The following CSMD3 variants were observed in gnomAD, a reference collection of about 807,000 sequenced individuals.
CSMD3 encodes CUB and Sushi multiple domains 3.
CSMD3 carries 177 observed loss-of-function variants against 435.2 expected under a neutral mutation model. That is an observed-to-expected ratio of 0.41 (90% CI 0.36 to 0.46). The LOEUF (loss-of-function observed/expected upper bound fraction) is 0.46, where lower values mean the gene tolerates loss of function less well. Among genes scored for constraint, CSMD3 ranks in the 20% least tolerant of loss-of-function variants. The pLI is 0.34. For missense variants in CSMD3, 4,265 were observed against 4,504.6 expected (o/e 0.95, Z 1.52); for synonymous variants, 1,656 against 1,520.5 (o/e 1.09, Z -2.07).
chr8:112,947,056 A>G (rs75292059), intron 9 of CSMD3, among the ~76,000 whole-genome samples: 1 of 151,650 alleles, frequency 6.6e-6, no homozygotes, highest in Non-Finnish European at 1.5e-5. Flanking sequence ...TGAAAAATAA[A>G]ATTTACCATG....
At chr8:112,447,902 G>T (rs913071150) in intron 32 of CSMD3, among the ~76,000 whole-genome samples, 22 of 152,192 alleles carry the variant, frequency 1.4e-4, no homozygotes, top group African/African-American at 5.1e-4. Flanking sequence ...GGAGTGAATT[G>T]TGTCCCCCCA....
At chr8:113,054,656 A>G (rs891908891) in intron 5 of CSMD3, among the ~76,000 whole-genome samples, 3 of 152,090 alleles carry the variant, frequency 2.0e-5, no homozygotes, top group Non-Finnish European at 4.4e-5. Context: ...AATCTCCCTC[A>G]TCTTTTAAGA....
chr8:112,248,778 A>T (rs1193675738), intron 63 of CSMD3, among the ~76,000 whole-genome samples: 1 of 152,136 alleles, frequency 6.6e-6, no homozygotes, highest in African/African-American at 2.4e-5. Flanking sequence ...GAAATACTAA[A>T]TTCCAAAATT....
At chr8:112,306,743 G>A (rs1197866713) in intron 50 of CSMD3, among the ~76,000 whole-genome samples, 4 of 152,024 alleles carry the variant, frequency 2.6e-5, no homozygotes, top group Non-Finnish European at 4.4e-5. Flanking sequence ...TGTGTATATT[G>A]GATATGTTTA....
At chr8:113,069,105 C>T (rs1192747409) in intron 5 of CSMD3, among the ~76,000 whole-genome samples, 1 of 151,992 alleles carries the variant, frequency 6.6e-6, no homozygotes, top group African/African-American at 2.4e-5. Flanking sequence ...TTCTTACCTC[C>T]CTGCCAAAAA....
intron 32 of CSMD3, among the ~76,000 whole-genome samples, chr8:112,411,477 A>T (rs1811344660): frequency 6.6e-6 from 1 of 151,984 alleles, no homozygotes; most frequent in African/African-American, 2.4e-5. Flanking sequence ...ATTTTAAATT[A>T]AAAGTAGCTT....
chr8:112,733,541 C>A (rs911098640), intron 13 of CSMD3, among the ~76,000 whole-genome samples: 2 of 151,636 alleles, frequency 1.3e-5, no homozygotes, highest in African/African-American at 4.8e-5. Flanking sequence ...GGTTAAGCAA[C>A]TTTGATAAGA....
intron 3 of CSMD3, among the ~76,000 whole-genome samples, chr8:113,207,133 C>T (rs1010434078): frequency 6.6e-6 from 1 of 152,102 alleles, no homozygotes; most frequent in African/African-American, 2.4e-5. Context: ...TAATTCATTG[C>T]TCTAACTTTA....
intron 32 of CSMD3, among the ~76,000 whole-genome samples, chr8:112,416,137 T>C (rs1388740933): frequency 6.6e-6 from 1 of 152,176 alleles, no homozygotes; most frequent in African/African-American, 2.4e-5. Context: ...TCATCTTGAA[T>C]TGTAGTTCCC....
At chr8:113,272,233 C>G (rs1258102356) in intron 3 of CSMD3, among the ~76,000 whole-genome samples, 1 of 151,916 alleles carries the variant, frequency 6.6e-6, no homozygotes, top group Admixed American at 6.6e-5. Context: ...CTTGGGAAGG[C>G]AGGATTGATT....
intron 13 of CSMD3, among the ~76,000 whole-genome samples, chr8:112,749,452 A>G (rs1320777554): frequency 6.6e-6 from 1 of 152,014 alleles, no homozygotes; most frequent in East Asian, 1.9e-4. Flanking sequence ...TTTCTATTTA[A>G]TAAATGGTGC....
chr8:113,185,457 C>A (rs2092484689), intron 3 of CSMD3, among the ~76,000 whole-genome samples: 2 of 152,134 alleles, frequency 1.3e-5, no homozygotes, highest in African/African-American at 2.4e-5. Context: ...ACCAGAAAAA[C>A]TGAGGAAAAT....
At chr8:112,884,116 A>G (rs926636899) in intron 10 of CSMD3, among the ~76,000 whole-genome samples, 3 of 151,788 alleles carry the variant, frequency 2.0e-5, no homozygotes, top group African/African-American at 7.2e-5. Flanking sequence ...TGGACACAGT[A>G]AAACAGTGCT....
At chr8:112,947,336 A>G (rs1014959253) in intron 9 of CSMD3, among the ~76,000 whole-genome samples, 3 of 151,832 alleles carry the variant, frequency 2.0e-5, no homozygotes, top group Non-Finnish European at 4.4e-5. Flanking sequence ...TAATTACACA[A>G]TACAAATAAG....
chr8:112,830,184 C>A (rs1215662173), intron 11 of CSMD3, among the ~76,000 whole-genome samples: 1 of 151,934 alleles, frequency 6.6e-6, no homozygotes, highest in Admixed American at 6.6e-5. Flanking sequence ...CACATATTTG[C>A]ATATATATTT....
intron 16 of CSMD3, 53 bp from the exon 17 acceptor site, chr8:112,666,468 ATAT>A (rs1170217325): frequency 6.6e-7 from 1 of 1,508,776 alleles, no homozygotes; most frequent in African/African-American, 1.4e-5. Flanking sequence ...TAAATCGCAG[ATAT>A]TATTCTTAAT....
chr8:113,397,920 G>T (rs1006097094), intron 1 of CSMD3, among the ~76,000 whole-genome samples: 5 of 152,052 alleles, frequency 3.3e-5, no homozygotes, highest in Non-Finnish European at 7.4e-5. Flanking sequence ...AGCAGGTTTT[G>T]CTTGAATATT....
chr8:112,671,926 A>AT (rs1303066295), intron 16 of CSMD3, among the ~76,000 whole-genome samples: 1 of 152,024 alleles, frequency 6.6e-6, no homozygotes, highest in East Asian at 1.9e-4. Context: ...ACTATTATTC[A>AT]TTTTTTAATT....
intron 10 of CSMD3, among the ~76,000 whole-genome samples, chr8:112,876,809 A>G (rs1018663642): frequency 6.6e-6 from 1 of 152,174 alleles, no homozygotes; most frequent in African/African-American, 2.4e-5. Context: ...GAAGGGAGAA[A>G]GTCAAATTGT....
Sources: gnomAD v4.1 joint callset for allele counts (sites outside exome capture counted in the v4.1 genomes callset) on GRCh38, gnomAD v4.1.1 for gene constraint, MANE v1.5 for transcripts, NCBI Gene and HGNC (gene_info 2026-07-23, HGNC 2026-07-21) for gene names.